The following NDST2 variants were observed in gnomAD, a reference collection of about 807,000 sequenced individuals.
The protein encoded by NDST2 is N-deacetylase and N-sulfotransferase 2.
In NDST2, 32 loss-of-function variants were observed where a neutral mutation model predicts 86.9. That is an observed-to-expected ratio of 0.37 (90% confidence interval 0.28 to 0.49). The LOEUF is 0.49. NDST2 is among the 20% of genes least tolerant of loss of function. The pLI is 0.97. For synonymous variants in NDST2, 409 were observed against 437.0 expected (o/e 0.94, Z 0.80); for missense variants, 950 against 1,146.9 (o/e 0.83, Z 2.48).
At position 73,803,344 on chromosome 10, in the gene NDST2, C is replaced by T. The variant is rs773419382; in HGVS notation, c.2158G>A (p.Gly720Arg). The change falls in exon 12 of 15, where the codon GGA becomes AGA. Residue 720 changes from glycine to arginine, a missense_variant. Around this residue, in one of 5 missense-constraint regions of NDST2, gnomAD observed 303 missense variants for 323.7 expected, o/e 0.94. Coordinates refer to ENST00000309979, the MANE Select transcript of NDST2 (RefSeq NM_003635.4). Reference sequence around the variant, plus strand: ...GTATAGTTCAGAGCAACTGGGTCTCCATGGGCTCGCTGATGCTGAAGGACA... The same window carrying T: ...GTATAGTTCAGAGCAACTGGGTCTCTATGGGCTCGCTGATGCTGAAGGACA... ...YSWYQHQRAH[G>R]DPVALNYTFY... 3 of 1,614,190 alleles carry T rather than the reference C, an allele frequency of 1.9e-6. No individual in the cohort carries two copies. In the South Asian group the frequency reaches 3.3e-5, roughly 18 times the overall value.
rs963019172 is a variant in NDST2 at position 73,810,910 on chromosome 10, G to A, written c.-446-7C>T. 1.8e-4 allele frequency: 71 copies of A among 399,026 alleles called. No homozygotes were observed. The highest frequency in any genetic ancestry group is 8.0e-5 in the Non-Finnish European group (18 of 226,114). The allele number at this position is 399,026 out of a possible 1,614,324, so 24.7% of individuals were successfully genotyped here. A position where few individuals can be genotyped will look rare whatever the true frequency, so the allele number is the denominator to read the frequency against. On this transcript the variant is annotated splice_region_variant and splice_polypyrimidine_tract_variant and intron_variant, in intron 1 of 14. Transcript: ENST00000309979. Reference sequence around the variant, plus strand: ...CTGCATTTTAGCTTCATACCTGGAAGAAGCAGCAAGGTTTAGGGAAGGGGC... The same window carrying A: ...CTGCATTTTAGCTTCATACCTGGAAAAAGCAGCAAGGTTTAGGGAAGGGGC...
Sources: allele counts gnomAD v4.1 joint callset, GRCh38; gene constraint gnomAD v4.1.1; regional missense constraint gnomAD v4.1.1; transcripts MANE v1.5; gene names NCBI Gene and HGNC (gene_info 2026-07-23, HGNC 2026-07-21).